Variants in KCNT2 observed in about 807,000 individuals in gnomAD.
KCNT2 encodes potassium channel subfamily T member 2.
In KCNT2, 67 loss-of-function variants were observed where a neutral mutation model predicts 153.8. That is an observed-to-expected ratio of 0.44 (90% CI 0.36 to 0.53). The LOEUF is 0.53. Ranked by LOEUF, KCNT2 falls within the 20% of genes least tolerant of loss-of-function variation. KCNT2 has a pLI of 0.00. For synonymous variants in KCNT2, 500 were observed against 458.8 expected (o/e 1.09, Z -1.15); for missense variants, 975 against 1,354.8 (o/e 0.72, Z 4.40).
intron 3 of KCNT2, among the ~76,000 whole-genome samples, chr1:196,486,582 G>C (rs958387560): frequency 1.3e-5 from 2 of 151,866 alleles, no homozygotes; most frequent in Non-Finnish European, 2.9e-5. Flanking sequence ...GGAGGTGGGA[G>C]TCAGGAGGTG....
intron 14 of KCNT2, among the ~76,000 whole-genome samples, chr1:196,358,644 A>G (rs1667370572): frequency 6.6e-6 from 1 of 151,908 alleles, no homozygotes; most frequent in African/African-American, 2.4e-5. Flanking sequence ...TTGTTTTGAA[A>G]ATATATATTT....
At chr1:196,391,405 G>A (rs1670480137) in intron 13 of KCNT2, among the ~76,000 whole-genome samples, 2 of 151,302 alleles carry the variant, frequency 1.3e-5, no homozygotes, top group African/African-American at 4.8e-5. Flanking sequence ...GGAACTACTT[G>A]GCAGACTAAA....
chr1:196,506,728 G>A (rs993377820), intron 1 of KCNT2, among the ~76,000 whole-genome samples: 5 of 152,098 alleles, frequency 3.3e-5, no homozygotes, highest in African/African-American at 4.8e-5. Flanking sequence ...TACTGTTAAA[G>A]CTTACTCACT....
At chr1:196,550,129 G>T (rs567548085) in intron 1 of KCNT2, among the ~76,000 whole-genome samples, 10 of 151,834 alleles carry the variant, frequency 6.6e-5, no homozygotes, top group African/African-American at 2.2e-4. Flanking sequence ...TACATTTTTT[G>T]AGTGTTCAAT....
chr1:196,520,083 C>A (rs192306096), intron 1 of KCNT2, among the ~76,000 whole-genome samples: 4 of 152,098 alleles, frequency 2.6e-5, no homozygotes, highest in Non-Finnish European at 4.4e-5. Context: ...CCAAATCCAG[C>A]AGCATATCAA....
intron 14 of KCNT2, among the ~76,000 whole-genome samples, chr1:196,345,607 T>C (rs1439949660): frequency 2.0e-5 from 3 of 152,158 alleles, no homozygotes; most frequent in East Asian, 1.9e-4. Flanking sequence ...GTCTGATTCA[T>C]ATTTTATAAA....
intron 10 of KCNT2, among the ~76,000 whole-genome samples, chr1:196,426,275 C>A (rs896925808): frequency 6.6e-6 from 1 of 151,982 alleles, no homozygotes; most frequent in African/African-American, 2.4e-5. Flanking sequence ...CTGGCACACA[C>A]TTTCAGCTTG....
intron 19 of KCNT2, among the ~76,000 whole-genome samples, chr1:196,321,231 C>T (rs909503981): frequency 1.3e-5 from 2 of 151,746 alleles, no homozygotes; most frequent in African/African-American, 2.4e-5. Context: ...ATTCAAAACC[C>T]TCCACATCTC....
intron 16 of KCNT2, 98 bp from the exon 17 acceptor site, chr1:196,334,158 A>C: frequency 1.5e-6 from 1 of 653,408 alleles, no homozygotes; most frequent in Non-Finnish European, 2.6e-6. Context: ...AACACAATAA[A>C]TATATATATA....
chr1:196,263,470 A>C (rs1169403541), intron 25 of KCNT2, among the ~76,000 whole-genome samples: 2 of 152,022 alleles, frequency 1.3e-5, no homozygotes, highest in Non-Finnish European at 2.9e-5. Flanking sequence ...GGAACATCAC[A>C]CACTGCGCCC....
At position 196,352,843 on chromosome 1, in the gene KCNT2, A is replaced by G. The variant is rs568044235; in HGVS notation, c.1404-10615T>C. On this transcript the variant is annotated intron_variant, in intron 14 of 27. Coordinates refer to ENST00000294725, the MANE Select transcript of KCNT2 (RefSeq NM_198503.5). ...TTCCTGCTTTCTCTTGTGGGCATTTAGTGCTATAAATTTCCCTCTACACAC... is the reference window on the plus strand; with the variant it reads ...TTCCTGCTTTCTCTTGTGGGCATTTGGTGCTATAAATTTCCCTCTACACAC... Among the ~76,000 whole-genome samples, 17 of 152,160 alleles carry G rather than the reference A, an allele frequency of 1.1e-4. 1 individual carries two copies. The South Asian group carries it at 3.5e-3, about 32-fold the overall frequency.
chr1:196,268,749 G>C (rs1205131739), intron 25 of KCNT2, among the ~76,000 whole-genome samples: 1 of 151,714 alleles, frequency 6.6e-6, no homozygotes, highest in East Asian at 1.9e-4. Flanking sequence ...CATGATAAAG[G>C]CCAAAACAAA....
chr1:196,544,378 C>G (rs906716335), intron 1 of KCNT2, among the ~76,000 whole-genome samples: 6 of 151,854 alleles, frequency 4.0e-5, no homozygotes, highest in Non-Finnish European at 7.4e-5. Context: ...AATTGATGGT[C>G]TTTAGAAATG....
At chr1:196,421,865 G>A (rs1037897923) in intron 12 of KCNT2, among the ~76,000 whole-genome samples, 6 of 151,944 alleles carry the variant, frequency 3.9e-5, no homozygotes, top group African/African-American at 1.4e-4. Context: ...TCTCTCCTTG[G>A]CATGTATATT....
At chr1:196,463,829 A>T (rs747458867) in intron 8 of KCNT2, among the ~76,000 whole-genome samples, 6 of 151,820 alleles carry the variant, frequency 4.0e-5, no homozygotes, top group Non-Finnish European at 7.4e-5. Flanking sequence ...AGAAAGTAGG[A>T]GTGCATAGAA....
At chr1:196,335,076 T>C (rs896752161) in intron 16 of KCNT2, among the ~76,000 whole-genome samples, 1 of 152,164 alleles carries the variant, frequency 6.6e-6, no homozygotes, top group African/African-American at 2.4e-5. Context: ...TATCTATTTA[T>C]GAAAAATTGA....
At chr1:196,292,832 A>AAAG (rs1368384807) in intron 22 of KCNT2, among the ~76,000 whole-genome samples, 9 of 150,734 alleles carry the variant, frequency 6.0e-5, no homozygotes, top group Non-Finnish European at 3.0e-5. Flanking sequence ...AAAAAAAAAA[A>AAAG]AAGGAAGAAG....
chr1:196,293,649 T>G (rs200666893), intron 22 of KCNT2, among the ~76,000 whole-genome samples: 2 of 140,764 alleles, frequency 1.4e-5, no homozygotes, highest in Non-Finnish European at 3.1e-5. Context: ...ATGCAAAAAT[T>G]TGGACCTTAT....
intron 1 of KCNT2, among the ~76,000 whole-genome samples, chr1:196,542,993 A>G (rs1158704387): frequency 2.6e-5 from 4 of 152,180 alleles, no homozygotes; most frequent in Non-Finnish European, 5.9e-5. Context: ...ACATTAAGGA[A>G]TAAAACACGT....
Sources: gnomAD v4.1 joint callset for allele counts (sites outside exome capture counted in the v4.1 genomes callset) on GRCh38, gnomAD v4.1.1 for gene constraint, MANE v1.5 for transcripts, NCBI Gene and HGNC (gene_info 2026-07-23, HGNC 2026-07-21) for gene names.